SEC31A: variants seen among roughly 807,000 people sequenced by gnomAD.
The protein encoded by SEC31A is SEC31 homolog A, COPII component, also known as protein transport protein Sec31A.
In SEC31A, 70 loss-of-function variants were observed where a neutral mutation model predicts 151.0. That is an observed-to-expected ratio of 0.46 (90% CI 0.38 to 0.57). SEC31A has a LOEUF of 0.57. Among genes scored for constraint, SEC31A ranks in the 20% least tolerant of loss-of-function variants. SEC31A has a pLI of 0.00. For missense variants in SEC31A, 1,330 were observed against 1,471.2 expected, an observed-to-expected ratio of 0.90 and a Z score of 1.57; for synonymous variants, 475 against 505.9, an observed-to-expected ratio of 0.94 and a Z score of 0.82.
chr4:82,898,235 G>A (rs1218067124), intron 3 of SEC31A, among the ~76,000 whole-genome samples: 4 of 152,096 alleles, frequency 2.6e-5, no homozygotes, highest in African/African-American at 4.8e-5. Context: ...GTTACTAGAA[G>A]AAGCAATGAT....
intron 14 of SEC31A, 165 bp from the exon 15 acceptor site, chr4:82,857,929 C>T (rs1027602542): frequency 6.0e-6 from 3 of 501,992 alleles, no homozygotes; most frequent in Non-Finnish European, 1.1e-5. Context: ...TATGCCTTCC[C>T]TAAATATTAC....
chr4:82,853,504 A>C, intron 18 of SEC31A, 66 bp downstream of exon 18: 1 of 1,320,594 alleles, frequency 7.6e-7, no homozygotes, highest in Admixed American at 2.7e-5. Context: ...ATAGATTATA[A>C]CTTGATGATA....
chr4:82,862,462 A>C, intron 13 of SEC31A, 72 bp downstream of exon 13: 1 of 1,119,780 alleles, frequency 8.9e-7, no homozygotes, highest in Admixed American at 1.8e-5. Context: ...CAAATTTCTT[A>C]AATGATATTT....
chr4:82,870,398 A>C lies in SEC31A; in HGVS notation c.809T>G (p.Met270Arg). Residue 270 changes from methionine (M) to arginine (R), a missense_variant, in exon 8 of 27, where the codon ATG (methionine) becomes AGG (arginine). Coordinates refer to ENST00000395310, the MANE Select transcript of SEC31A (RefSeq NM_001077207.4). ...GCTCAGTAACAATTCAGGATCTGCC[A>C]TGCTCCAAGCAATTGCCAAAATCCC... Reference protein sequence around the residue: ...ARGILAIAWSMADPELLLSCG... With the variant: ...ARGILAIAWSRADPELLLSCG... 6.2e-7 allele frequency: 1 copy of C among 1,613,846 alleles called. No homozygotes were observed. The highest frequency in any genetic ancestry group is 8.5e-7 in the Non-Finnish European group (1 of 1,179,774).
At chr4:82,865,986 T>C (rs1006280617) in intron 10 of SEC31A, among the ~76,000 whole-genome samples, 2 of 151,752 alleles carry the variant, frequency 1.3e-5, no homozygotes, top group Non-Finnish European at 2.9e-5. Flanking sequence ...TTTTATATTA[T>C]GCATTTTTTA....
chr4:82,858,518 T>G, intron 14 of SEC31A, among the ~76,000 whole-genome samples: 1 of 111,882 alleles, frequency 8.9e-6, no homozygotes, highest in African/African-American at 3.4e-5. Flanking sequence ...CACTCCAGCC[T>G]GGCGACAGAG....
chr4:82,861,264 A>G (rs1004161958), intron 14 of SEC31A, among the ~76,000 whole-genome samples: 2 of 152,238 alleles, frequency 1.3e-5, no homozygotes, highest in Admixed American at 6.5e-5. Context: ...TTAGCCACTG[A>G]TAGTTGGCCC....
intron 20 of SEC31A, chr4:82,845,252 A>G: frequency 6.5e-7 from 1 of 1,534,706 alleles, no homozygotes; most frequent in Non-Finnish European, 8.7e-7. Flanking sequence ...GGGCAGTAGG[A>G]GTTTTGTTAC....
rs1731912624 is a variant in SEC31A, at chr4:82,853,606, A to T, written c.2118T>A (p.Thr706=). ...AAGGGTGGCTTCCATCTTGAGCTTT[A>T]GTCCAACATGCAACTAATTTCTCTA... is the stretch of plus-strand genomic sequence containing the variant. The part of the protein sequence containing the change: ...GNVEKLVACW[T]KAQDGSHPLS... The change falls in exon 18 of 27, where the codon ACT becomes ACA. Residue 706 remains threonine (T), a synonymous_variant. Transcript: ENST00000395310. 6.3e-7 allele frequency: 1 copy of T among 1,594,750 alleles called. No individual in the cohort carries two copies. The highest frequency in any genetic ancestry group is 1.9e-5 in the Admixed American group (1 of 53,934).
chr4:82,851,298 T>C, intron 19 of SEC31A, 133 bp downstream of exon 19: 1 of 645,180 alleles, frequency 1.5e-6, no homozygotes, highest in Non-Finnish European at 2.7e-6. Context: ...CAATAACATT[T>C]ACCTGCAGTC....
intron 1 of SEC31A, among the ~76,000 whole-genome samples, chr4:82,887,032 G>A (rs1008734262): frequency 4.3e-4 from 66 of 152,258 alleles, no homozygotes; most frequent in African/African-American, 1.6e-3. Flanking sequence ...ATGAGCTAGA[G>A]TGACCAGTTT....
intron 25 of SEC31A, among the ~76,000 whole-genome samples, chr4:82,824,175 T>C (rs1038339522): frequency 2.0e-5 from 3 of 152,224 alleles, no homozygotes; most frequent in South Asian, 4.1e-4. Context: ...ACAATAATTA[T>C]AGAAGAACTC....
intron 19 of SEC31A, 42 bp from the exon 20 acceptor site, chr4:82,849,019 C>G (rs1445109229): frequency 6.4e-7 from 1 of 1,555,340 alleles, no homozygotes; most frequent in South Asian, 1.2e-5. Flanking sequence ...GAGAGTTCAC[C>G]CAGGTATATG....
At chr4:82,840,169 T>C (rs1370475014) in intron 22 of SEC31A, among the ~76,000 whole-genome samples, 1 of 152,176 alleles carries the variant, frequency 6.6e-6, no homozygotes, top group African/African-American at 2.4e-5. Context: ...GAAATAATTA[T>C]TACTACTTCT....
At chr4:82,882,441 T>A (rs1739607815) in intron 1 of SEC31A, among the ~76,000 whole-genome samples, 1 of 144,072 alleles carries the variant, frequency 6.9e-6, no homozygotes, top group African/African-American at 2.8e-5. Context: ...AAGACAAACT[T>A]GATAAACCAT....
intron 23 of SEC31A, among the ~76,000 whole-genome samples, chr4:82,828,673 C>CAAAAAAAAA (rs397994259): frequency 0.014 from 617 of 43,938 alleles, 5 homozygotes; most frequent in East Asian, 0.028. Flanking sequence ...CAAAGTAACT[C>CAAAAAAAAA]AAAAAAAAAA....
chr4:82,852,907 A>T (rs1212037225), intron 18 of SEC31A, among the ~76,000 whole-genome samples: 1 of 152,144 alleles, frequency 6.6e-6, no homozygotes, highest in African/African-American at 2.4e-5. Flanking sequence ...CCTGTTCCAT[A>T]AGGTATTAGA....
chr4:82,820,079 T>A (rs988814330), intron 26 of SEC31A, among the ~76,000 whole-genome samples: 12 of 151,610 alleles, frequency 7.9e-5, no homozygotes, highest in Non-Finnish European at 1.6e-4. Flanking sequence ...ATCTCATTTT[T>A]AAAAAATGTT....
intron 1 of SEC31A, chr4:82,890,776 T>G: frequency 1.6e-6 from 2 of 1,248,548 alleles, no homozygotes; most frequent in Non-Finnish European, 2.0e-6. Context: ...GGTCTGAAAG[T>G]CTCCTAATCT....
Sources: gnomAD v4.1 joint callset for allele counts (sites outside exome capture counted in the v4.1 genomes callset) on GRCh38, gnomAD v4.1.1 for gene constraint, MANE v1.5 for transcripts, NCBI Gene and HGNC (gene_info 2026-07-23, HGNC 2026-07-21) for gene names.